The following BMP8B variants were observed in gnomAD, a reference collection of about 807,000 sequenced individuals.
The protein encoded by BMP8B is bone morphogenetic protein 8b, also known as bone morphogenetic protein 8 (osteogenic protein 2).
Under a neutral mutation model 30.3 loss-of-function variants are expected in BMP8B, and 17 were observed. The observed-to-expected ratio is 0.56, with a 90% CI of 0.38 to 0.84. The LOEUF (loss-of-function observed/expected upper bound fraction) is 0.84, where lower values mean the gene tolerates loss of function less well. Among genes scored for constraint, BMP8B ranks in the 40% least tolerant of loss-of-function variants. BMP8B has a pLI of 0.00. For missense variants in BMP8B, 253 were observed against 494.6 expected, an observed-to-expected ratio of 0.51 and a Z score of 4.63; for synonymous variants, 131 against 214.7, an observed-to-expected ratio of 0.61 and a Z score of 3.41.
At chr1:39,776,372 C>T (rs979920145) in intron 1 of BMP8B, among the ~76,000 whole-genome samples, 4 of 152,236 alleles carry the variant, frequency 2.6e-5, no homozygotes, top group East Asian at 1.9e-4. Flanking sequence ...GGGTGGGAGC[C>T]GCCCAGTGCC....
chr1:39,778,893 C>T (rs1188851027), intron 1 of BMP8B, among the ~76,000 whole-genome samples: 1 of 151,784 alleles, frequency 6.6e-6, no homozygotes, highest in Non-Finnish European at 1.5e-5. Flanking sequence ...GTGCCTCAGC[C>T]CGGAAGAGCC....
Position 39,788,494 on chromosome 1 carries a change from GGGGGCGCTCAGCT to G in BMP8B, c.-22_-10del, listed in dbSNP as rs1181096876. 301 of 1,012,260 alleles carry G rather than the reference GGGGGCGCTCAGCT, an allele frequency of 3.0e-4. 1 individual carries two copies. In the South Asian group the frequency reaches 0.011, roughly 39 times the overall value. 62.7% of individuals were successfully genotyped at this position (1,012,260 alleles called of 1,614,324 possible). ...CCGGGGAGCGCGGTCATGGCAGGCC[GGGGGCGCTCAGCT>G]GGGGCGCTCAGCGGGCGCGCATCGG... On this transcript the variant is annotated 5_prime_UTR_variant, in exon 1 of 7. Coordinates refer to ENST00000372827, the MANE Select transcript of BMP8B (RefSeq NM_001720.5). The surrounding 1 kb of genome is among the most constrained non-coding windows in gnomAD (Gnocchi z 5.8).
chr1:39,779,259 C>T (rs1650450004), intron 1 of BMP8B, among the ~76,000 whole-genome samples: 1 of 152,200 alleles, frequency 6.6e-6, no homozygotes, highest in South Asian at 2.1e-4. Flanking sequence ...CCATTGTCGG[C>T]CCGCACACAG....
At chr1:39,779,585 C>A (rs1650480920) in intron 1 of BMP8B, among the ~76,000 whole-genome samples, 1 of 152,202 alleles carries the variant, frequency 6.6e-6, no homozygotes, top group African/African-American at 2.4e-5. Context: ...ACATACAGGG[C>A]TTTGGAAGAA....
chr1:39,779,078 G>C (rs1160791914), intron 1 of BMP8B, among the ~76,000 whole-genome samples: 1 of 152,226 alleles, frequency 6.6e-6, no homozygotes, highest in African/African-American at 2.4e-5. Context: ...CTTGGGGCCA[G>C]TGTGAAATGA....
chr1:39,777,335 T>C (rs1477027754), intron 1 of BMP8B, among the ~76,000 whole-genome samples: 1 of 152,210 alleles, frequency 6.6e-6, no homozygotes, highest in Non-Finnish European at 1.5e-5. Context: ...AAGCAGCAAA[T>C]GAATTTGCTT....
At chr1:39,769,487 G>A (rs111358708) in intron 3 of BMP8B, 3 of 562,968 alleles carry the variant, frequency 5.3e-6, no homozygotes, top group East Asian at 3.6e-5. Flanking sequence ...GCAGACCTGC[G>A]CCTTGCAGTG....
At chr1:39,787,808 CCT>C (rs747541849) in intron 1 of BMP8B, among the ~76,000 whole-genome samples, 15 of 152,230 alleles carry the variant, frequency 9.9e-5, no homozygotes, top group Non-Finnish European at 1.5e-4. Flanking sequence ...AGCATCCCGG[CCT>C]CTGTTTACTC....
At chr1:39,771,439 G>C (rs1318066117) in intron 3 of BMP8B, 1 of 697,736 alleles carries the variant, frequency 1.4e-6, no homozygotes, top group African/African-American at 2.0e-5. Flanking sequence ...GCTCCGCCCT[G>C]GGCTGGGGGC....
In BMP8B at chr1:39,763,152, CT is replaced by C. The variant is rs770697142; in HGVS notation, c.998del (p.Glu333GlyfsTer10). ...QGYSAYYCEG[E>X]CSFPLDSCMN... ...TGCAGGAGTCCAGTGGGAAGGAGCA[CT>C]CCCCCTCACAGTAATAGGCCGAGTA... On this transcript the variant is annotated frameshift_variant, in exon 6 of 7. Transcript: ENST00000372827. LOFTEE classifies it high-confidence loss of function. 1.9e-6 allele frequency: 3 copies of C among 1,614,044 alleles called. No homozygotes were observed. In the South Asian group the frequency reaches 3.3e-5, roughly 18 times the overall value.
intron 4 of BMP8B, among the ~76,000 whole-genome samples, chr1:39,764,077 C>T (rs1404018979): frequency 6.7e-5 from 10 of 150,226 alleles, no homozygotes; most frequent in South Asian, 2.1e-4. Flanking sequence ...GCAGGACCCT[C>T]GGCCATCCTG....
At chr1:39,780,907 C>T (rs143140160) in intron 1 of BMP8B, among the ~76,000 whole-genome samples, 16 of 152,280 alleles carry the variant, frequency 1.1e-4, no homozygotes, top group African/African-American at 3.8e-4. Context: ...AGCCGGGAGC[C>T]ATGCCTCCTC....
chr1:39,762,456 A>C, intron 6 of BMP8B: 1 of 1,493,658 alleles, frequency 6.7e-7, no homozygotes. Flanking sequence ...ACAAACACAC[A>C]GAGCACTCAA....
rs1293457145 is a variant in BMP8B at position 39,759,089 on chromosome 1, T to A, written c.*1330A>T. On this transcript the variant is annotated 3_prime_UTR_variant, in exon 7 of 7. Coordinates refer to ENST00000372827, the MANE Select transcript of BMP8B (RefSeq NM_001720.5). Reference sequence around the variant, plus strand: ...ACTCTGTCTATTCCAGCAGGTAAATTACAGGCTTAGCAAGTCAGAAATCAA... The same window carrying A: ...ACTCTGTCTATTCCAGCAGGTAAATAACAGGCTTAGCAAGTCAGAAATCAA... 6.6e-6 allele frequency: 1 copy of A among 152,354 alleles called. No homozygotes were observed. The highest frequency in any genetic ancestry group is 1.5e-5 in the Non-Finnish European group (1 of 68,056). 9.4% of individuals were successfully genotyped at this position (152,354 alleles called of 1,614,324 possible). A position where few individuals can be genotyped will look rare whatever the true frequency, so the allele number is the denominator to read the frequency against.
rs1467378677 is a variant in BMP8B at position 39,760,323 on chromosome 1, C to G, written c.*96G>C. 3.2e-6 allele frequency: 5 copies of G among 1,558,558 alleles called. No homozygotes were observed. Among genetic ancestry groups the G allele is most frequent in the Non-Finnish European group, 4.3e-6 (5 of 1,153,562 alleles). On this transcript the variant is annotated 3_prime_UTR_variant, in exon 7 of 7. Transcript: ENST00000372827. The stretch of plus-strand genomic sequence containing the variant: ...TTGTGAGGGTCCTCCCTGGCAATGC[C>G]CCGGCCTGGGGTCTGGCTGGGTTTG...
intron 3 of BMP8B, among the ~76,000 whole-genome samples, chr1:39,766,117 T>C (rs554519605): frequency 3.5e-4 from 52 of 150,558 alleles, no homozygotes; most frequent in African/African-American, 1.3e-3. Flanking sequence ...ATAAAATCCC[T>C]TGGAGCAGTA....
At chr1:39,767,318 G>C (rs1478019976) in intron 3 of BMP8B, among the ~76,000 whole-genome samples, 3 of 151,376 alleles carry the variant, frequency 2.0e-5, no homozygotes, top group Admixed American at 6.6e-5. Context: ...CAAGGTCCCA[G>C]AGCAAGGTGG....
rs1327660918 is a variant in BMP8B at position 39,760,357 on chromosome 1, C to T, written c.*62G>A. On this transcript the variant is annotated 3_prime_UTR_variant, in exon 7 of 7. Transcript: ENST00000372827. ...GGGTCTGGCTGGGTTTGAGGGTTTC[C>T]TGCTTCTGAGGGGCCCGATCCAGAT... The T allele has an allele frequency of 3.1e-6, 5 of 1,601,278 alleles. No individual in the cohort carries two copies. The highest frequency in any genetic ancestry group is 4.3e-6 in the Non-Finnish European group (5 of 1,175,650).
chr1:39,788,283 C>G lies in BMP8B; in HGVS notation c.203G>C (p.Arg68Pro), dbSNP rs925562857. ...GAAGAGCGGCGCGGACGCGGGCAGC[C>G]GGGAGGCGGCGGGTGGCGCGCGGGG... ...PRPRAPPAASRLPASAPLFML... is the reference protein window; with the variant it reads ...PRPRAPPAASPLPASAPLFML... The change falls in exon 1 of 7, where the codon CGG (arginine) becomes CCG (proline). Residue 68 changes from arginine (R) to proline (P), a missense_variant. By Grantham distance (103) the Arg-to-Pro change is moderately radical (BLOSUM62 -2). This residue lies in a region of BMP8B where 2 missense variants were observed against 23.7 expected (regional missense o/e 0.08). Coordinates refer to ENST00000372827, the MANE Select transcript of BMP8B (RefSeq NM_001720.5). This position sits in a 1 kb window ranked among gnomAD's most constrained non-coding sequence, Gnocchi z 5.8. The G allele has an allele frequency of 1.5e-6, 2 of 1,313,634 alleles. No homozygotes were observed. Among genetic ancestry groups the G allele is most frequent in the Non-Finnish European group, 1.9e-6 (2 of 1,038,330 alleles). The allele number at this position is 1,313,634 out of a possible 1,614,324, so 81.4% of individuals were successfully genotyped here. A position where few individuals can be genotyped will look rare whatever the true frequency, so the allele number is the denominator to read the frequency against.
Sources: allele counts gnomAD v4.1 joint callset (sites outside exome capture counted in the v4.1 genomes callset), GRCh38; gene constraint gnomAD v4.1.1; regional missense constraint gnomAD v4.1.1; non-coding constraint Gnocchi (gnomAD v3.1); transcripts MANE v1.5; gene names NCBI Gene and HGNC (gene_info 2026-07-23, HGNC 2026-07-21).